BTBD9: variants seen among roughly 807,000 people sequenced by gnomAD.
BTBD9 encodes the protein BTB/POZ domain-containing protein 9.
BTBD9 carries 49 observed loss-of-function variants against 64.3 expected under a neutral mutation model. That is an observed-to-expected ratio of 0.76 (90% CI 0.61 to 0.97). BTBD9 has a LOEUF of 0.97. BTBD9 is among the 50% of genes least tolerant of loss of function. The pLI is 0.00. For synonymous variants in BTBD9, 260 were observed against 274.7 expected (o/e 0.95, Z 0.53); for missense variants, 598 against 762.1 (o/e 0.78, Z 2.53).
intron 7 of BTBD9, among the ~76,000 whole-genome samples, chr6:38,337,297 C>A (rs962185343): frequency 1.3e-5 from 2 of 152,334 alleles, no homozygotes; most frequent in East Asian, 3.9e-4. Context: ...CCCTTAACAG[C>A]CCAGATTTCC....
chr6:38,610,205 G>A (rs1777566367), intron 1 of BTBD9, among the ~76,000 whole-genome samples: 1 of 152,166 alleles, frequency 6.6e-6, no homozygotes, highest in African/African-American at 2.4e-5. Context: ...TGTTGTAACA[G>A]ATAAATGCCA....
At chr6:38,273,912 C>G (rs1038713942) in intron 8 of BTBD9, among the ~76,000 whole-genome samples, 1 of 152,188 alleles carries the variant, frequency 6.6e-6, no homozygotes, top group Non-Finnish European at 1.5e-5. Context: ...TCCTGGCTCA[C>G]GCCACTTAGG....
At chr6:38,354,958 T>G (rs1334173631) in intron 6 of BTBD9, among the ~76,000 whole-genome samples, 1 of 152,020 alleles carries the variant, frequency 6.6e-6, no homozygotes, top group Non-Finnish European at 1.5e-5. Flanking sequence ...CAAGTATTTT[T>G]GTGTTAAGTG....
At chr6:38,570,505 T>A (rs1344598016) in intron 6 of BTBD9, among the ~76,000 whole-genome samples, 1 of 152,186 alleles carries the variant, frequency 6.6e-6, no homozygotes, top group East Asian at 1.9e-4. Flanking sequence ...TCAATAAATG[T>A]TAGACTGTTC....
At chr6:38,552,800 T>C (rs971083339) in intron 6 of BTBD9, among the ~76,000 whole-genome samples, 2 of 151,318 alleles carry the variant, frequency 1.3e-5, no homozygotes, top group Non-Finnish European at 3.0e-5. Flanking sequence ...ATGGTAAATA[T>C]AGCCTGATCA....
At chr6:38,552,226 C>G (rs1176613543) in intron 6 of BTBD9, among the ~76,000 whole-genome samples, 1 of 152,126 alleles carries the variant, frequency 6.6e-6, no homozygotes, top group East Asian at 1.9e-4. Flanking sequence ...TATCTTCAGG[C>G]CAACAACACA....
intron 9 of BTBD9, among the ~76,000 whole-genome samples, chr6:38,228,103 T>A (rs943066249): frequency 1.3e-5 from 2 of 152,120 alleles, no homozygotes; most frequent in African/African-American, 4.8e-5. Context: ...GGCTCAAACC[T>A]GTAATCCCAG....
chr6:38,278,046 T>TA (rs1289388425), intron 8 of BTBD9, among the ~76,000 whole-genome samples: 1 of 152,214 alleles, frequency 6.6e-6, no homozygotes, highest in Non-Finnish European at 1.5e-5. Context: ...GGGCTTCAAA[T>TA]AAAGCTTTGG....
intron 6 of BTBD9, among the ~76,000 whole-genome samples, chr6:38,428,476 C>T (rs1405837509): frequency 6.6e-6 from 1 of 150,972 alleles, no homozygotes; most frequent in Admixed American, 6.6e-5. Context: ...ACTGCAGCCT[C>T]GAACTCCTGG....
At chr6:38,402,324 T>C (rs1262661717) in intron 6 of BTBD9, among the ~76,000 whole-genome samples, 1 of 151,924 alleles carries the variant, frequency 6.6e-6, no homozygotes, top group African/African-American at 2.4e-5. Context: ...CACTTATTTG[T>C]AGAAATTGAC....
At chr6:38,187,326 T>C (rs1467843751) in intron 10 of BTBD9, among the ~76,000 whole-genome samples, 2 of 152,158 alleles carry the variant, frequency 1.3e-5, no homozygotes, top group South Asian at 2.1e-4. Flanking sequence ...GGAATGACCA[T>C]GAACTTGCTA....
In BTBD9 at chr6:38,505,964, C is replaced by CAAAA. The variant is rs59014161; in HGVS notation, c.1154+71632_1154+71635dup. ...TGGCAACAGCATGGCTCCGTCTCAA[C>CAAAA]AAAAAAAAAAAAAAAAAAAAGGAAC... On this transcript the variant is annotated intron_variant, in intron 6 of 10. Transcript: ENST00000481247. 2.7e-3 allele frequency among the ~76,000 whole-genome samples: 225 copies of CAAAA among 82,634 alleles called. 8 individuals carry two copies. The highest frequency in any genetic ancestry group is 4.5e-3 in the African/African-American group (109 of 24,448). 54.2% of individuals were successfully genotyped at this position (82,634 alleles called of 152,430 possible). A position where few individuals can be genotyped will look rare whatever the true frequency, so the allele number is the denominator to read the frequency against.
chr6:38,304,157 C>A (rs1385763418), intron 7 of BTBD9, among the ~76,000 whole-genome samples: 3 of 151,730 alleles, frequency 2.0e-5, no homozygotes, highest in African/African-American at 7.3e-5. Context: ...TCAGTGAAAT[C>A]TACCCCAAGT....
intron 1 of BTBD9, among the ~76,000 whole-genome samples, chr6:38,639,433 G>A (rs1354158458): frequency 2.6e-5 from 4 of 152,082 alleles, no homozygotes; most frequent in Non-Finnish European, 5.9e-5. Context: ...CCCACCCCGG[G>A]GTCCCGGGTT....
intron 6 of BTBD9, among the ~76,000 whole-genome samples, chr6:38,457,227 C>T (rs753395738): frequency 6.6e-6 from 1 of 152,146 alleles, no homozygotes; most frequent in East Asian, 1.9e-4. Context: ...GGAGGTGAGA[C>T]ACCAATGAAG....
intron 1 of BTBD9, among the ~76,000 whole-genome samples, chr6:38,636,891 T>C (rs1314247397): frequency 6.6e-6 from 1 of 152,194 alleles, no homozygotes; most frequent in Non-Finnish European, 1.5e-5. Context: ...AATGGGTTCA[T>C]TATCTCAGGA....
chr6:38,389,573 T>A (rs1006580493), intron 6 of BTBD9, among the ~76,000 whole-genome samples: 2 of 152,238 alleles, frequency 1.3e-5, no homozygotes, highest in Non-Finnish European at 2.9e-5. Context: ...TTACAACAAA[T>A]GTGCTGTAAT....
chr6:38,587,939 T>C, intron 4 of BTBD9: 1 of 724,940 alleles, frequency 1.4e-6, no homozygotes, highest in East Asian at 2.6e-5. Flanking sequence ...TGCAGAAGAC[T>C]GTTCAGGAAC....
intron 10 of BTBD9, chr6:38,179,919 G>T (rs879126931): frequency 2.3e-6 from 1 of 432,338 alleles, no homozygotes; most frequent in South Asian, 1.7e-5. Context: ...CAAAGGGAAC[G>T]AGGAGAAGAT....
Sources: gnomAD v4.1 joint callset for allele counts (sites outside exome capture counted in the v4.1 genomes callset) on GRCh38, gnomAD v4.1.1 for gene constraint, MANE v1.5 for transcripts, NCBI Gene and HGNC (gene_info 2026-07-23, HGNC 2026-07-21) for gene names.